Variants in UBR7 observed in about 807,000 individuals in gnomAD.
The protein encoded by UBR7 is putative E3 ubiquitin-protein ligase UBR7.
A neutral mutation model predicts 57.0 loss-of-function variants in UBR7; 22 were observed. The ratio of observed to expected loss-of-function variants is 0.39; its 90% CI spans 0.28 to 0.55. The LOEUF (loss-of-function observed/expected upper bound fraction) is 0.55, where lower values mean the gene tolerates loss of function less well. UBR7 is among the 20% of genes least tolerant of loss of function. The pLI is 0.69. For missense variants in UBR7, 395 were observed against 513.2 expected (o/e 0.77, Z 2.23); for synonymous variants, 167 against 179.8 (o/e 0.93, Z 0.57).
In UBR7 at chr14:93,207,267, G is replaced by T. The variant is rs374948983; in HGVS notation, c.-25G>T. 6 of 1,550,256 alleles carry T rather than the reference G, an allele frequency of 3.9e-6. No homozygotes were observed. Among genetic ancestry groups the T allele is most frequent in the African/African-American group, 1.4e-5 (1 of 73,070 alleles). On this transcript the variant is annotated 5_prime_UTR_variant, in exon 1 of 11. Coordinates refer to ENST00000013070, the MANE Select transcript of UBR7 (RefSeq NM_175748.4). ...CTTTTCCCGCCTCCGCCGGGGCCGAGCCGCTGTTCGGCTGACAGTTGAGGA... is the reference window on the plus strand; with the variant it reads ...CTTTTCCCGCCTCCGCCGGGGCCGATCCGCTGTTCGGCTGACAGTTGAGGA...
At chr14:93,222,007 G>C (rs1342329991) in intron 9 of UBR7, among the ~76,000 whole-genome samples, 1 of 151,680 alleles carries the variant, frequency 6.6e-6, no homozygotes, top group East Asian at 1.9e-4. Flanking sequence ...GGTTATTTCA[G>C]CTACCAGAAT....
chr14:93,209,322 G>C (rs1227924732), intron 1 of UBR7, among the ~76,000 whole-genome samples: 2 of 152,186 alleles, frequency 1.3e-5, no homozygotes, highest in Non-Finnish European at 2.9e-5. Context: ...ACATTTTCCA[G>C]GATGAAAGTG....
At chr14:93,223,951 G>C (rs534707098) in intron 10 of UBR7, 2 of 734,190 alleles carry the variant, frequency 2.7e-6, no homozygotes, top group African/African-American at 3.4e-5. Context: ...GCCCACAGTA[G>C]ACAATCTCCC....
rs1348818053 is a variant in UBR7, at chr14:93,227,965, G to A, written c.*930G>A. ...TGGACCTATTTTGATATTCTGTTAT[G>A]AAAATGTTATTAGAACCCCAATAAA... On this transcript the variant is annotated 3_prime_UTR_variant, in exon 11 of 11. Transcript: ENST00000013070. The A allele has an allele frequency of 5.7e-6, 4 of 700,018 alleles. No homozygotes were observed. Among genetic ancestry groups the A allele is most frequent in the South Asian group, 4.5e-5 (3 of 67,028 alleles). 43.4% of individuals were successfully genotyped at this position (700,018 alleles called of 1,614,324 possible). A position where few individuals can be genotyped will look rare whatever the true frequency, so the allele number is the denominator to read the frequency against.
At chr14:93,208,895 T>G (rs1000058553) in intron 1 of UBR7, among the ~76,000 whole-genome samples, 7 of 152,132 alleles carry the variant, frequency 4.6e-5, no homozygotes, top group Non-Finnish European at 4.4e-5. Context: ...CCTCCTGGGT[T>G]CAAGTGATTC....
intron 9 of UBR7, among the ~76,000 whole-genome samples, chr14:93,221,883 G>A (rs547140873): frequency 3.3e-5 from 5 of 151,934 alleles, no homozygotes; most frequent in Admixed American, 6.6e-5. Context: ...CTCGGGAGGC[G>A]GAGGTTGCAG....
intron 8 of UBR7, among the ~76,000 whole-genome samples, chr14:93,220,028 A>AC (rs1359780321): frequency 6.6e-6 from 1 of 152,118 alleles, no homozygotes; most frequent in Non-Finnish European, 1.5e-5. Context: ...GATCTCATAG[A>AC]CCATATGACA....
intron 1 of UBR7, among the ~76,000 whole-genome samples, chr14:93,208,109 G>A (rs1324250773): frequency 1.3e-5 from 2 of 152,144 alleles, no homozygotes; most frequent in Non-Finnish European, 2.9e-5. Context: ...TTTGGAAGAC[G>A]TTGTGAGTGA....
intron 6 of UBR7, among the ~76,000 whole-genome samples, chr14:93,215,945 A>C (rs1167251187): frequency 6.6e-6 from 1 of 152,132 alleles, no homozygotes; most frequent in African/African-American, 2.4e-5. Flanking sequence ...GGGGTGCTAA[A>C]ACAAAATACC....
At chr14:93,214,098 T>C (rs1894545109) in intron 4 of UBR7, among the ~76,000 whole-genome samples, 1 of 152,150 alleles carries the variant, frequency 6.6e-6, no homozygotes, top group African/African-American at 2.4e-5. Flanking sequence ...GGCTAATTTG[T>C]GTATTTTTAG....
In UBR7 at chr14:93,228,659, C is replaced by T. The variant is rs1282877259; in HGVS notation, c.*1624C>T. 3 of 453,950 alleles carry T rather than the reference C, an allele frequency of 6.6e-6. No individual in the cohort carries two copies. Among genetic ancestry groups the T allele is most frequent in the African/African-American group, 2.0e-5 (1 of 49,984 alleles). 28.1% of individuals were successfully genotyped at this position (453,950 alleles called of 1,614,324 possible). Reference sequence around the variant, plus strand: ...TGAGCTGGCCTTGTGCAGAGGGCTCCGTTCAAAGGCTCGGGGTGTCTTTGA... The same window carrying T: ...TGAGCTGGCCTTGTGCAGAGGGCTCTGTTCAAAGGCTCGGGGTGTCTTTGA... On this transcript the variant is annotated 3_prime_UTR_variant, in exon 11 of 11. Transcript: ENST00000013070.
chr14:93,212,955 G>T (rs1894514544), intron 4 of UBR7, among the ~76,000 whole-genome samples: 1 of 152,062 alleles, frequency 6.6e-6, no homozygotes, highest in South Asian at 2.1e-4. Flanking sequence ...ATAATTGACG[G>T]ATCAAAGTGT....
intron 10 of UBR7, chr14:93,224,004 A>G (rs968152209): frequency 6.4e-6 from 5 of 782,930 alleles, no homozygotes; most frequent in Admixed American, 1.9e-5. Flanking sequence ...ACGAAGTACC[A>G]GAAGTCCCGG....
Position 93,227,904 on chromosome 14 carries a change from A to T in UBR7, c.*869A>T, listed in dbSNP as rs757789580. The T allele has an allele frequency of 1.4e-6, 1 of 700,826 alleles. No homozygotes were observed. Among genetic ancestry groups the T allele is most frequent in the Admixed American group, 2.0e-5 (1 of 50,010 alleles). 43.4% of individuals were successfully genotyped at this position (700,826 alleles called of 1,614,324 possible). The stretch of plus-strand genomic sequence containing the variant: ...TTTACGAAGTCCTCTGGATTTCTTG[A>T]TATTATCAGGGATATTCATAAGCAT... On this transcript the variant is annotated 3_prime_UTR_variant, in exon 11 of 11. Coordinates refer to ENST00000013070, the MANE Select transcript of UBR7 (RefSeq NM_175748.4).
In UBR7 at chr14:93,215,241, A is replaced by G; in HGVS notation, c.561A>G (p.Lys187=). The change falls in exon 6 of 11, where the codon AAA becomes AAG. Residue 187 remains lysine, a synonymous_variant. Coordinates refer to ENST00000013070, the MANE Select transcript of UBR7 (RefSeq NM_175748.4). ...AGATGGTATGCCAGGCCTGCATGAAACGTTGTTCTTTTTTGTGGGCTTATG... is the reference window on the plus strand; with the variant it reads ...AGATGGTATGCCAGGCCTGCATGAAGCGTTGTTCTTTTTTGTGGGCTTATG... ...FQEMVCQACM[K]RCSFLWAYAA... 1 of 1,589,128 alleles carries G rather than the reference A, an allele frequency of 6.3e-7. No individual in the cohort carries two copies. The highest frequency in any genetic ancestry group is 8.6e-7 in the Non-Finnish European group (1 of 1,166,982).
chr14:93,215,554 C>T (rs1279875014), intron 6 of UBR7, among the ~76,000 whole-genome samples: 3 of 151,756 alleles, frequency 2.0e-5, no homozygotes, highest in Admixed American at 6.6e-5. Flanking sequence ...CCTGGCGTCA[C>T]GGCGCTTGCC....
chr14:93,207,628 C>A (rs934929955), intron 1 of UBR7, among the ~76,000 whole-genome samples, 187 bp downstream of exon 1: 6 of 152,340 alleles, frequency 3.9e-5, no homozygotes, highest in Admixed American at 1.3e-4. Context: ...GGGCCCCCTT[C>A]AGCCTGTGTC....
In UBR7 at chr14:93,224,330, T is replaced by C. The variant is rs1045838363; in HGVS notation, c.1185+1956T>C. ...AGTGGTTTTCTCAGTTTTTAGAGAC[T>C]TCTTCACTATCACTGAGAACAATTC... On this transcript the variant is annotated intron_variant, in intron 10 of 10. Coordinates refer to ENST00000013070, the MANE Select transcript of UBR7 (RefSeq NM_175748.4). 2.6e-5 allele frequency among the ~76,000 whole-genome samples: 4 copies of C among 151,812 alleles called. No homozygotes were observed. The East Asian group carries it at 7.7e-4, about 29-fold the overall frequency.
At chr14:93,220,774 C>A (rs1339243473) in intron 9 of UBR7, among the ~76,000 whole-genome samples, 6 of 152,114 alleles carry the variant, frequency 3.9e-5, no homozygotes, top group Admixed American at 3.9e-4. Flanking sequence ...CACAGGAAAC[C>A]ACTAGAGGAG....
Sources: gnomAD v4.1 joint callset for allele counts (sites outside exome capture counted in the v4.1 genomes callset) on GRCh38, gnomAD v4.1.1 for gene constraint, MANE v1.5 for transcripts, NCBI Gene and HGNC (gene_info 2026-07-23, HGNC 2026-07-21) for gene names.